SUGCT: variants seen among roughly 807,000 people sequenced by gnomAD.
The protein encoded by SUGCT is succinyl-CoA:glutarate-CoA transferase.
A neutral mutation model predicts 55.0 loss-of-function variants in SUGCT; 41 were observed. The observed-to-expected ratio is 0.74, with a 90% CI of 0.58 to 0.97. The LOEUF (loss-of-function observed/expected upper bound fraction) is 0.97, where lower values mean the gene tolerates loss of function less well. SUGCT is among the 50% of genes least tolerant of loss of function. The pLI is 0.00. For missense variants in SUGCT, 568 were observed against 547.8 expected, an observed-to-expected ratio of 1.04 and a Z score of -0.37; for synonymous variants, 187 against 200.4, an observed-to-expected ratio of 0.93 and a Z score of 0.56.
At chr7:40,239,937 G>A (rs895684501) in intron 7 of SUGCT, among the ~76,000 whole-genome samples, 1 of 152,130 alleles carries the variant, frequency 6.6e-6, no homozygotes, top group Admixed American at 6.6e-5. Context: ...CCTACTGTAC[G>A]GTGGGAATGG....
intron 12 of SUGCT, among the ~76,000 whole-genome samples, chr7:40,535,501 A>G (rs1282597180): frequency 6.6e-6 from 1 of 152,212 alleles, no homozygotes; most frequent in Non-Finnish European, 1.5e-5. Flanking sequence ...TTCCTGAAAG[A>G]ACACAGAACT....
chr7:40,305,226 T>C (rs562194506), intron 8 of SUGCT, among the ~76,000 whole-genome samples: 2 of 152,360 alleles, frequency 1.3e-5, no homozygotes, highest in African/African-American at 2.4e-5. Context: ...AGCCTGACCT[T>C]CTCATTCTGT....
chr7:40,940,320 C>A, the SUGCT span, among the ~76,000 whole-genome samples: 1 of 152,076 alleles, frequency 6.6e-6, no homozygotes, highest in Non-Finnish European at 1.5e-5. Flanking sequence ...GTGACACCTC[C>A]AGATTTGTTC....
At chr7:40,548,192 T>C (rs1227755981) in intron 12 of SUGCT, among the ~76,000 whole-genome samples, 6 of 147,308 alleles carry the variant, frequency 4.1e-5, no homozygotes, top group African/African-American at 1.5e-4. Context: ...CTTTCTTTTT[T>C]TTTTTTTTTT....
the SUGCT span, among the ~76,000 whole-genome samples, chr7:40,894,323 G>T: frequency 6.6e-6 from 1 of 152,048 alleles, no homozygotes; most frequent in Non-Finnish European, 1.5e-5. Context: ...AACTCAAGAT[G>T]AACTAAAGAA....
chr7:40,466,543 C>T (rs1005956748), intron 11 of SUGCT, among the ~76,000 whole-genome samples: 5 of 152,192 alleles, frequency 3.3e-5, no homozygotes, highest in Non-Finnish European at 7.4e-5. Context: ...TCCTCCTTGA[C>T]AAGACAGTGA....
At chr7:40,967,501 A>G in the SUGCT span, among the ~76,000 whole-genome samples, 1 of 152,154 alleles carries the variant, frequency 6.6e-6, no homozygotes, top group Non-Finnish European at 1.5e-5. Flanking sequence ...CTGCTTCCCA[A>G]TCTCACACAC....
chr7:40,871,720 G>C, the SUGCT span, among the ~76,000 whole-genome samples: 1 of 142,414 alleles, frequency 7.0e-6, no homozygotes, highest in Non-Finnish European at 1.5e-5. Context: ...ACGTCTTTCA[G>C]TGATCTCCAC....
chr7:40,200,571 A>G (rs1424616499), intron 6 of SUGCT, among the ~76,000 whole-genome samples: 1 of 152,128 alleles, frequency 6.6e-6, no homozygotes, highest in Admixed American at 6.5e-5. Flanking sequence ...AGACGCCTTT[A>G]AGGATCTAAG....
chr7:40,268,764 G>T (rs954720946), intron 7 of SUGCT, among the ~76,000 whole-genome samples: 1 of 151,920 alleles, frequency 6.6e-6, no homozygotes, highest in Non-Finnish European at 1.5e-5. Flanking sequence ...TCAGACTCCT[G>T]AGTAGTTGGG....
rs552704695 is a variant in SUGCT, at chr7:40,577,025, A to G, written c.1089+80639A>G. The stretch of plus-strand genomic sequence containing the variant: ...AGGATTACCTGGAAACTTGTTAGAC[A>G]TACAAATTCAGAATCCAGATCTCTT... On this transcript the variant is annotated intron_variant, in intron 12 of 13. Coordinates refer to ENST00000335693, the MANE Select transcript of SUGCT (RefSeq NM_001193313.2). 1.3e-4 allele frequency among the ~76,000 whole-genome samples: 20 copies of G among 152,344 alleles called. No homozygotes were observed. The East Asian group carries it at 3.7e-3, about 28-fold the overall frequency.
chr7:40,996,983 G>A, the SUGCT span, among the ~76,000 whole-genome samples: 10 of 152,182 alleles, frequency 6.6e-5, no homozygotes, highest in Non-Finnish European at 1.2e-4. Context: ...AAGGAGACAG[G>A]CATGATCTTT....
chr7:40,187,800 G>T (rs1044282430), intron 3 of SUGCT, among the ~76,000 whole-genome samples: 1 of 152,154 alleles, frequency 6.6e-6, no homozygotes, highest in African/African-American at 2.4e-5. Flanking sequence ...GGGCATGGTG[G>T]TGCACGCCTG....
intron 12 of SUGCT, among the ~76,000 whole-genome samples, chr7:40,510,745 C>T (rs901681982): frequency 2.6e-5 from 4 of 151,644 alleles, no homozygotes; most frequent in African/African-American, 4.8e-5. Context: ...TTCATGAGGT[C>T]GTACAAAAAT....
chr7:40,151,012 G>A (rs997111535), intron 1 of SUGCT, among the ~76,000 whole-genome samples: 4 of 152,098 alleles, frequency 2.6e-5, no homozygotes, highest in South Asian at 4.1e-4. Flanking sequence ...TGAGGCGGGC[G>A]GATTGCAAGA....
At position 40,237,658 on chromosome 7, in the gene SUGCT, T is replaced by C; in HGVS notation, c.508T>C (p.Ser170Pro). The C allele has an allele frequency of 6.2e-7, 1 of 1,613,936 alleles. No homozygotes were observed. Residue 170 changes from serine (S) to proline (P), a missense_variant, in exon 7 of 14, where the codon TCT becomes CCT. Physicochemically the swap from Ser to Pro is moderately conservative, Grantham distance 74. Transcript: ENST00000335693. The part of the protein sequence containing the change: ...ITGYGQTGPI[S>P]QRAGYDAVAS... ...AGGGTATGGTCAGACAGGTCCAATT[T>C]CTCAGCGAGCTGGTTATGATGCTGT...
At chr7:40,483,597 A>G (rs375130550) in intron 11 of SUGCT, among the ~76,000 whole-genome samples, 21 of 152,160 alleles carry the variant, frequency 1.4e-4, no homozygotes, top group Non-Finnish European at 2.5e-4. Flanking sequence ...AAGAGAAGCT[A>G]TAGTCCAGGA....
At chr7:40,430,764 T>C (rs891923886) in intron 9 of SUGCT, among the ~76,000 whole-genome samples, 2 of 152,192 alleles carry the variant, frequency 1.3e-5, no homozygotes, top group Non-Finnish European at 2.9e-5. Context: ...TTAGAGTTTC[T>C]GATCTTATAT....
intron 12 of SUGCT, among the ~76,000 whole-genome samples, chr7:40,590,259 G>A (rs1166313240): frequency 2.6e-5 from 4 of 152,064 alleles, no homozygotes; most frequent in South Asian, 4.1e-4. Flanking sequence ...CCTGAAAGAC[G>A]ATAATATTAA....
Sources: allele counts gnomAD v4.1 joint callset (sites outside exome capture counted in the v4.1 genomes callset), GRCh38; gene constraint gnomAD v4.1.1; transcripts MANE v1.5; gene names NCBI Gene and HGNC (gene_info 2026-07-23, HGNC 2026-07-21).